The following CLUL1 variants were observed in gnomAD, a reference collection of about 807,000 sequenced individuals.
CLUL1 encodes clusterin like 1.
Under a neutral mutation model 49.4 loss-of-function variants are expected in CLUL1, and 43 were observed. The ratio of observed to expected loss-of-function variants is 0.87; its 90% CI spans 0.68 to 1.12. The LOEUF (loss-of-function observed/expected upper bound fraction) is 1.12, where lower values mean the gene tolerates loss of function less well. Among genes scored for constraint, CLUL1 ranks in the 50% most tolerant of loss-of-function variants. The pLI is 0.00. For missense variants in CLUL1, 486 were observed against 544.4 expected (o/e 0.89, Z 1.07); for synonymous variants, 192 against 184.9 (o/e 1.04, Z -0.31).
intron 6 of CLUL1, among the ~76,000 whole-genome samples, chr18:627,790 G>GA (rs199849611): frequency 0.047 from 6,786 of 145,200 alleles, 231 homozygotes; most frequent in Non-Finnish European, 0.064. Flanking sequence ...TTGAGAACTT[G>GA]AAAAAAAAAA....
At chr18:640,338 A>G (rs1306749006) in intron 7 of CLUL1, among the ~76,000 whole-genome samples, 1 of 152,118 alleles carries the variant, frequency 6.6e-6, no homozygotes, top group African/African-American at 2.4e-5. Context: ...TGAGCCCAGG[A>G]GTTCGAGGCT....
chr18:613,285 C>T lies in CLUL1; in HGVS notation c.-13-4703C>T, dbSNP rs375658861. 288 of 399,196 alleles carry T rather than the reference C, an allele frequency of 7.2e-4. 10 individuals are homozygous for T. The South Asian group carries it at 0.024, about 34-fold the overall frequency. 24.7% of individuals were successfully genotyped at this position (399,196 alleles called of 1,614,324 possible). ...TCTCGAGTGGCTGGGACTATAGGTG[C>T]GTGCCACCACACCCAGCTAATTTTT... On this transcript the variant is annotated intron_variant, in intron 2 of 9. Transcript: ENST00000692774.
At chr18:617,757 GC>G (rs2073343152) in intron 2 of CLUL1, among the ~76,000 whole-genome samples, 1 of 134,560 alleles carries the variant, frequency 7.4e-6, no homozygotes, top group Non-Finnish European at 1.7e-5. Context: ...CACATGGCGG[GC>G]TTTTTTAACT....
chr18:639,776 C>CTG (rs2074285700), intron 7 of CLUL1, among the ~76,000 whole-genome samples: 1 of 149,350 alleles, frequency 6.7e-6, no homozygotes, highest in African/African-American at 2.5e-5. Flanking sequence ...AACAAACAAA[C>CTG]AAAAAAAACA....
intron 4 of CLUL1, 98 bp downstream of exon 4, chr18:619,459 A>G: frequency 8.9e-7 from 1 of 1,120,304 alleles, no homozygotes; most frequent in Middle Eastern, 2.5e-4. Context: ...TTCCTTAGTA[A>G]TAAATTTCAT....
At chr18:615,342 G>A (rs536805021) in intron 2 of CLUL1, among the ~76,000 whole-genome samples, 14 of 152,294 alleles carry the variant, frequency 9.2e-5, no homozygotes, top group Non-Finnish European at 1.5e-5. Flanking sequence ...TGCTCTTAAA[G>A]GAGGAACATG....
chr18:637,211 C>T (rs1256177751), intron 7 of CLUL1, among the ~76,000 whole-genome samples: 2 of 152,010 alleles, frequency 1.3e-5, no homozygotes. Flanking sequence ...TGGTCTCGAT[C>T]TCCTGACCTT....
intron 2 of CLUL1, among the ~76,000 whole-genome samples, chr18:612,406 G>A (rs978006143): frequency 2.6e-5 from 4 of 152,164 alleles, no homozygotes; most frequent in South Asian, 4.1e-4. Flanking sequence ...CAGAAGAGGC[G>A]TGCTCCTTGT....
rs555798618 is a variant in CLUL1, at chr18:644,344, T to G, written c.1210-566T>G. ...TAACATACATGTTATTCATTAAGAG[T>G]AACATAAATTTTGCATTGATTCTTG... On this transcript the variant is annotated intron_variant, in intron 8 of 9. Transcript: ENST00000692774. 2.6e-5 allele frequency among the ~76,000 whole-genome samples: 4 copies of G among 152,268 alleles called. No homozygotes were observed. In the South Asian group the frequency reaches 8.3e-4, roughly 32 times the overall value.
chr18:610,096 T>C (rs2073089716), intron 2 of CLUL1, among the ~76,000 whole-genome samples: 1 of 151,618 alleles, frequency 6.6e-6, no homozygotes, highest in South Asian at 2.1e-4. Flanking sequence ...ATCAAATACT[T>C]ATGGTATTTT....
At chr18:603,150 AG>A (rs774585787) in intron 1 of CLUL1, among the ~76,000 whole-genome samples, 6 of 152,224 alleles carry the variant, frequency 3.9e-5, no homozygotes, top group Non-Finnish European at 7.3e-5. Flanking sequence ...TCAAAGTATG[AG>A]CCAGGACCAG....
rs2072988901 is a variant in CLUL1, at chr18:606,978, A to C, written c.-135A>C. The C allele has an allele frequency of 3.1e-6, 2 of 637,310 alleles. No individual in the cohort carries two copies. Among genetic ancestry groups the C allele is most frequent in the Non-Finnish European group, 5.6e-6 (2 of 357,416 alleles). 39.5% of individuals were successfully genotyped at this position (637,310 alleles called of 1,614,324 possible). ...TTCTTTTTTCTTTTCTTTTCTTTAG[A>C]GTTGCGTCCCTCTCGGTTGCCAGGC... On this transcript the variant is annotated splice_region_variant and 5_prime_UTR_variant, in exon 2 of 10. Coordinates refer to ENST00000692774, the MANE Select transcript of CLUL1 (RefSeq NM_001393344.1). The surrounding 1 kb of genome is among the most constrained non-coding windows in gnomAD (Gnocchi z 4.1).
chr18:641,899 T>C (rs2074354643), intron 8 of CLUL1, among the ~76,000 whole-genome samples: 1 of 152,194 alleles, frequency 6.6e-6, no homozygotes, highest in South Asian at 2.1e-4. Context: ...AATTTGACTC[T>C]GAAACTTACC....
intron 1 of CLUL1, among the ~76,000 whole-genome samples, chr18:605,884 T>C (rs1477202785): frequency 5.3e-5 from 8 of 152,040 alleles, no homozygotes; most frequent in Admixed American, 4.6e-4. Context: ...CCATGTTGCC[T>C]GAATGCCTGG....
At chr18:613,338 C>T in intron 2 of CLUL1, 1 of 312,188 alleles carries the variant, frequency 3.2e-6, no homozygotes, top group Non-Finnish European at 5.8e-6. Flanking sequence ...GGGCTTTCAC[C>T]ATGTTGGCCA....
chr18:626,864 TAAGAAAGAAAGAA>T (rs2073737831), intron 5 of CLUL1, among the ~76,000 whole-genome samples: 12 of 70,798 alleles, frequency 1.7e-4, no homozygotes, highest in Non-Finnish European at 2.6e-4. Context: ...CCATCTCAAA[TAAGAAAGAAAGAA>T]AGAAAGAAAG....
chr18:633,311 A>C lies in CLUL1; in HGVS notation c.870A>C (p.Gly290=), dbSNP rs202195583. ...TGTTCCCTGTAGCTCCTGACCACGG[A>C]GGCCTGATTTCAAAGATGTTACCTG... The part of the protein sequence containing the change: ...LPKQDKAPDH[G]GLISKMLPGQ... Residue 290 remains glycine (G), a synonymous_variant, in exon 7 of 10, where the codon GGA becomes GGC. Transcript: ENST00000692774. The C allele has an allele frequency of 6.2e-7, 1 of 1,612,610 alleles. No homozygotes were observed. Among genetic ancestry groups the C allele is most frequent in the African/African-American group, 1.3e-5 (1 of 75,008 alleles).
At chr18:635,482 A>AC (rs1396861593) in intron 7 of CLUL1, among the ~76,000 whole-genome samples, 2 of 151,716 alleles carry the variant, frequency 1.3e-5, no homozygotes, top group Non-Finnish European at 2.9e-5. Flanking sequence ...GGGGTTGGGG[A>AC]CCCCTGCTAT....
intron 2 of CLUL1, among the ~76,000 whole-genome samples, chr18:607,882 G>C (rs1476234734): frequency 6.6e-6 from 1 of 152,088 alleles, no homozygotes; most frequent in East Asian, 1.9e-4. Context: ...AACTTCTTCT[G>C]TGCCATTTGT....
Sources: allele counts gnomAD v4.1 joint callset (sites outside exome capture counted in the v4.1 genomes callset), GRCh38; gene constraint gnomAD v4.1.1; non-coding constraint Gnocchi (gnomAD v3.1); transcripts MANE v1.5; gene names NCBI Gene and HGNC (gene_info 2026-07-23, HGNC 2026-07-21).